Variants in CTNNA3 observed in about 807,000 individuals in gnomAD.
CTNNA3 encodes catenin alpha-3.
CTNNA3 carries 76 observed loss-of-function variants against 95.7 expected under a neutral mutation model. The ratio of observed to expected loss-of-function variants is 0.79; its 90% CI spans 0.66 to 0.96. The LOEUF is 0.96. CTNNA3 is among the 40% of genes least tolerant of loss of function. CTNNA3 has a pLI of 0.00. For synonymous variants in CTNNA3, 431 were observed against 374.4 expected (o/e 1.15, Z -1.74); for missense variants, 1,191 against 1,089.8 (o/e 1.09, Z -1.31).
intron 5 of CTNNA3, among the ~76,000 whole-genome samples, chr10:67,272,972 A>C (rs1255944985): frequency 6.6e-6 from 1 of 152,134 alleles, no homozygotes; most frequent in Non-Finnish European, 1.5e-5. Context: ...ATCTCAGCTC[A>C]CATGGGTTCC....
chr10:65,926,138 T>C (rs535623037), intron 17 of CTNNA3, among the ~76,000 whole-genome samples: 2 of 151,254 alleles, frequency 1.3e-5, no homozygotes, highest in African/African-American at 2.4e-5. Flanking sequence ...TGCATAACTG[T>C]TTTCTTTCAA....
chr10:67,402,374 A>AAG (rs1844955226), intron 5 of CTNNA3, among the ~76,000 whole-genome samples: 1 of 152,214 alleles, frequency 6.6e-6, no homozygotes, highest in Non-Finnish European at 1.5e-5. Flanking sequence ...CTTTCAATTA[A>AAG]CACAGTCAGA....
rs1014024224 is a variant in CTNNA3 at position 66,460,123 on chromosome 10, T to C, written c.1531+60494A>G. On this transcript the variant is annotated intron_variant, in intron 11 of 17. Transcript: ENST00000433211. ...ATTATACGTTCTGTACTGTTTTCCA[T>C]AGATCTATTTGATTATTTTTGTGTC... Among the ~76,000 whole-genome samples the C allele has an allele frequency of 1.4e-4, 21 of 152,312 alleles. 1 individual carries two copies. The highest frequency in any genetic ancestry group is 4.8e-4 in the African/African-American group (20 of 41,584).
chr10:67,162,281 G>A (rs577973576), intron 7 of CTNNA3, among the ~76,000 whole-genome samples: 14 of 151,984 alleles, frequency 9.2e-5, no homozygotes, highest in Middle Eastern at 3.4e-3. Flanking sequence ...TCAAGACCAC[G>A]AGTGGGACAA....
chr10:66,985,559 C>T (rs141009068), intron 7 of CTNNA3, among the ~76,000 whole-genome samples: 4 of 152,130 alleles, frequency 2.6e-5, no homozygotes, highest in Admixed American at 2.6e-4. Context: ...AACCAGAGGC[C>T]AGAAGTAAGG....
chr10:67,240,150 G>C (rs1003518513), intron 5 of CTNNA3, among the ~76,000 whole-genome samples: 6 of 152,156 alleles, frequency 3.9e-5, no homozygotes, highest in African/African-American at 1.4e-4. Flanking sequence ...AAACCACTCT[G>C]GTAAGGGAAG....
chr10:66,752,225 C>T (rs1279761682), intron 9 of CTNNA3, among the ~76,000 whole-genome samples: 2 of 152,036 alleles, frequency 1.3e-5, no homozygotes, highest in East Asian at 1.9e-4. Flanking sequence ...TAAAGACAAT[C>T]TTGAATAAAT....
At chr10:67,051,295 C>T (rs1477527033) in intron 7 of CTNNA3, among the ~76,000 whole-genome samples, 1 of 152,114 alleles carries the variant, frequency 6.6e-6, no homozygotes, top group African/African-American at 2.4e-5. Flanking sequence ...TTACACCTAA[C>T]CTTAAATGTC....
At chr10:67,217,900 A>C (rs1864457927) in intron 6 of CTNNA3, among the ~76,000 whole-genome samples, 1 of 150,660 alleles carries the variant, frequency 6.6e-6, no homozygotes, top group African/African-American at 2.4e-5. Context: ...GGCACTAGGG[A>C]AAAATTCAGC....
At chr10:66,249,347 G>A (rs1011399497) in intron 13 of CTNNA3, among the ~76,000 whole-genome samples, 7 of 152,016 alleles carry the variant, frequency 4.6e-5, no homozygotes, top group Non-Finnish European at 8.8e-5. Flanking sequence ...ACCACAGAAT[G>A]CGATAAAATA....
intron 5 of CTNNA3, among the ~76,000 whole-genome samples, chr10:67,319,756 C>T (rs1007666405): frequency 4.6e-5 from 7 of 151,938 alleles, no homozygotes; most frequent in Admixed American, 4.6e-4. Context: ...AATAGCCAGG[C>T]ATGGTGGCGG....
At chr10:66,949,994 A>C (rs1323392128) in intron 7 of CTNNA3, among the ~76,000 whole-genome samples, 2 of 152,136 alleles carry the variant, frequency 1.3e-5, no homozygotes, top group African/African-American at 4.8e-5. Context: ...GACTTAACAC[A>C]ATCTGGGCTC....
chr10:67,121,511 G>A (rs373002948), intron 7 of CTNNA3, among the ~76,000 whole-genome samples: 3 of 151,962 alleles, frequency 2.0e-5, no homozygotes, highest in Admixed American at 6.6e-5. Context: ...ACTCCTAGCC[G>A]TTAGATTCAT....
In CTNNA3 at chr10:66,149,495, C is replaced by CA. The variant is rs1479977911; in HGVS notation, c.1885-46247dup. ...TAGTTAAATGGGTACTGAATTCAAT[C>CA]AAATCATTTTGTGGAATTCACTATA... On this transcript the variant is annotated intron_variant, in intron 13 of 17. Transcript: ENST00000433211. 2.0e-5 allele frequency among the ~76,000 whole-genome samples: 3 copies of CA among 151,442 alleles called. No homozygotes were observed. The East Asian group carries it at 5.8e-4, about 29-fold the overall frequency.
At chr10:67,481,766 G>C (rs532209780) in intron 5 of CTNNA3, among the ~76,000 whole-genome samples, 18 of 152,294 alleles carry the variant, frequency 1.2e-4, no homozygotes, top group African/African-American at 4.1e-4. Flanking sequence ...GATCCCATTT[G>C]TCAATTTTGG....
chr10:67,376,385 T>C (rs1484938266), intron 5 of CTNNA3, among the ~76,000 whole-genome samples: 1 of 152,186 alleles, frequency 6.6e-6, no homozygotes, highest in Admixed American at 6.5e-5. Flanking sequence ...AAATTGGTCT[T>C]AGGTTAATCA....
chr10:66,892,961 A>G (rs1049201529), intron 7 of CTNNA3, among the ~76,000 whole-genome samples: 2 of 152,150 alleles, frequency 1.3e-5, no homozygotes, highest in Admixed American at 6.5e-5. Context: ...GAGCATAATT[A>G]TATGGCTCTC....
chr10:66,232,331 G>A (rs2089628410), intron 13 of CTNNA3, among the ~76,000 whole-genome samples: 1 of 152,032 alleles, frequency 6.6e-6, no homozygotes, highest in Non-Finnish European at 1.5e-5. Context: ...GTTCTCTTAA[G>A]TTAATCAACA....
intron 12 of CTNNA3, among the ~76,000 whole-genome samples, chr10:66,281,616 G>T (rs1354285735): frequency 6.6e-6 from 1 of 151,920 alleles, no homozygotes; most frequent in East Asian, 1.9e-4. Context: ...AAGATGTCGG[G>T]TAAAAAGATT....
Sources: allele counts gnomAD v4.1 joint callset (sites outside exome capture counted in the v4.1 genomes callset), GRCh38; gene constraint gnomAD v4.1.1; transcripts MANE v1.5; gene names NCBI Gene and HGNC (gene_info 2026-07-23, HGNC 2026-07-21).